Variants in FKBP5 observed in about 807,000 individuals in gnomAD.
FKBP5 encodes FKBP prolyl isomerase 5, also known as peptidyl-prolyl cis-trans isomerase FKBP5.
In FKBP5, 23 loss-of-function variants were observed where a neutral mutation model predicts 50.5. The ratio of observed to expected loss-of-function variants is 0.46; its 90% CI spans 0.33 to 0.65. The LOEUF is 0.65. Among genes scored for constraint, FKBP5 ranks in the 30% least tolerant of loss-of-function variants. FKBP5 has a pLI of 0.02. For synonymous variants in FKBP5, 176 were observed against 190.6 expected (o/e 0.92, Z 0.63); for missense variants, 411 against 553.1 (o/e 0.74, Z 2.58).
chr6:35,580,260 GAGGGGGTACA>G lies in FKBP5; in HGVS notation c.841-49_841-40del, dbSNP rs1357046805. ...GCGTCATTACTTGTACTCAGCTCTT[GAGGGGGTACA>G]AAAGAAAAGCAAATCCTCAAAGTGA... On this transcript the variant is annotated intron_variant, in intron 8 of 10. Coordinates refer to ENST00000357266, the MANE Select transcript of FKBP5 (RefSeq NM_004117.4). 3 of 1,517,114 alleles carry G rather than the reference GAGGGGGTACA, an allele frequency of 2.0e-6. No homozygotes were observed. In the South Asian group the frequency reaches 3.6e-5, roughly 18 times the overall value. 94.0% of individuals were successfully genotyped at this position (1,517,114 alleles called of 1,614,324 possible).
At chr6:35,695,087 G>A (rs765104654) in intron 2 of FKBP5, among the ~76,000 whole-genome samples, 3 of 152,140 alleles carry the variant, frequency 2.0e-5, no homozygotes, top group East Asian at 1.9e-4. Flanking sequence ...CATACTTAAC[G>A]GTGAGAGAAT....
At chr6:35,650,496 CAG>C (rs1232612550) in intron 1 of FKBP5, among the ~76,000 whole-genome samples, 1 of 151,418 alleles carries the variant, frequency 6.6e-6, no homozygotes, top group Non-Finnish European at 1.5e-5. Flanking sequence ...TTTTTTGAGA[CAG>C]ACTCTTGCTC....
At chr6:35,707,215 CTTT>C (rs34841223) in intron 2 of FKBP5, among the ~76,000 whole-genome samples, 2,969 of 116,864 alleles carry the variant, frequency 0.025, 57 homozygotes, top group African/African-American at 0.061. Flanking sequence ...TATGAGAAGA[CTTT>C]TTTTTTTTTT....
chr6:35,693,814 C>G (rs1016626143), upstream of FKBP5, among the ~76,000 whole-genome samples: 7 of 152,108 alleles, frequency 4.6e-5, no homozygotes, highest in Admixed American at 4.6e-4. Flanking sequence ...AGCCACTGTG[C>G]CTGGCCTCTA....
chr6:35,725,998 T>A (rs1766702684), intron 1 of FKBP5, among the ~76,000 whole-genome samples: 1 of 152,180 alleles, frequency 6.6e-6, no homozygotes, highest in Non-Finnish European at 1.5e-5. Flanking sequence ...CCTGTTCCTC[T>A]CAGCAGCTCC....
chr6:35,595,982 G>A (rs1338960026), intron 6 of FKBP5, among the ~76,000 whole-genome samples: 1 of 152,184 alleles, frequency 6.6e-6, no homozygotes, highest in Non-Finnish European at 1.5e-5. Context: ...GGGTGCCTCA[G>A]TGACGGCTAT....
intron 1 of FKBP5, among the ~76,000 whole-genome samples, chr6:35,643,897 T>C (rs893864680): frequency 1.3e-5 from 2 of 152,192 alleles, no homozygotes; most frequent in African/African-American, 2.4e-5. Context: ...TTAGATTCCC[T>C]AGAATGCCTC....
At chr6:35,685,056 G>C (rs1007371520) in intron 1 of FKBP5, among the ~76,000 whole-genome samples, 12 of 147,984 alleles carry the variant, frequency 8.1e-5, no homozygotes, top group African/African-American at 2.8e-4. Context: ...GCAAGACCCC[G>C]ACTCAAAAAA....
intron 5 of FKBP5, among the ~76,000 whole-genome samples, chr6:35,615,154 C>CAACAA (rs1554132893): frequency 1.5e-5 from 1 of 64,754 alleles, no homozygotes; most frequent in African/African-American, 4.9e-5. Flanking sequence ...ACAACAACAA[C>CAACAA]TACACACACA....
intron 10 of FKBP5, among the ~76,000 whole-genome samples, chr6:35,576,414 A>C (rs1166936872): frequency 6.6e-6 from 1 of 152,138 alleles, no homozygotes; most frequent in East Asian, 1.9e-4. Context: ...GCTCATGTCT[A>C]TAATCCCAGC....
intron 5 of FKBP5, among the ~76,000 whole-genome samples, chr6:35,605,282 C>A (rs1763272994): frequency 6.7e-6 from 1 of 149,712 alleles, no homozygotes. Flanking sequence ...CAGCATAAAG[C>A]ATTCAATAAA....
At chr6:35,675,559 C>T (rs1268703181) in intron 1 of FKBP5, among the ~76,000 whole-genome samples, 1 of 152,084 alleles carries the variant, frequency 6.6e-6, no homozygotes, top group African/African-American at 2.4e-5. Context: ...GACAGAGAAA[C>T]ACTCCGTCTC....
chr6:35,661,013 G>A lies in FKBP5; in HGVS notation c.-19-18170C>T, dbSNP rs1379154133. Among the ~76,000 whole-genome samples, 5 of 84,236 alleles carry A rather than the reference G, an allele frequency of 5.9e-5. 2 individuals are homozygous for A. Among genetic ancestry groups the A allele is most frequent in the African/African-American group, 1.8e-4 (5 of 27,242 alleles). The allele number at this position is 84,236 out of a possible 152,430, so 55.3% of individuals were successfully genotyped here. A position where few individuals can be genotyped will look rare whatever the true frequency, so the allele number is the denominator to read the frequency against. On this transcript the variant is annotated intron_variant, in intron 1 of 10. Transcript: ENST00000357266. ...TTGCTTAGGGTTAGGGGAAACAGGA[G>A]GAAATGGGGAGTGGGAGATTTCTTT...
intron 2 of FKBP5, among the ~76,000 whole-genome samples, chr6:35,720,046 CG>C (rs1766583602): frequency 6.7e-6 from 1 of 150,010 alleles, no homozygotes; most frequent in South Asian, 2.2e-4. Flanking sequence ...AGAAGCAGCT[CG>C]GCAGTTGGGG....
At chr6:35,650,499 A>T (rs953022260) in intron 1 of FKBP5, among the ~76,000 whole-genome samples, 3 of 150,818 alleles carry the variant, frequency 2.0e-5, no homozygotes, top group South Asian at 2.1e-4. Flanking sequence ...TTTGAGACAG[A>T]CTCTTGCTCT....
chr6:35,649,467 C>T (rs1476960458), intron 1 of FKBP5, among the ~76,000 whole-genome samples: 1 of 151,208 alleles, frequency 6.6e-6, no homozygotes, highest in Non-Finnish European at 1.5e-5. Flanking sequence ...ATGCCTCGAC[C>T]TTCTGGGAGG....
At chr6:35,716,183 G>A (rs1456586022) in intron 2 of FKBP5, among the ~76,000 whole-genome samples, 5 of 152,060 alleles carry the variant, frequency 3.3e-5, no homozygotes, top group African/African-American at 1.2e-4. Context: ...CCCAGCCTGG[G>A]CACTGTAGGG....
chr6:35,658,335 C>T (rs886348974), intron 1 of FKBP5, among the ~76,000 whole-genome samples: 1 of 151,300 alleles, frequency 6.6e-6, no homozygotes, highest in Non-Finnish European at 1.5e-5. Context: ...GAGTTTGCGC[C>T]ACTGCACTCC....
intron 5 of FKBP5, among the ~76,000 whole-genome samples, chr6:35,611,086 T>C (rs1437417195): frequency 6.6e-6 from 1 of 152,010 alleles, no homozygotes; most frequent in Admixed American, 6.6e-5. Context: ...AGTGTGTACC[T>C]CTGCTTAAGT....
Sources: gnomAD v4.1 joint callset for allele counts (sites outside exome capture counted in the v4.1 genomes callset) on GRCh38, gnomAD v4.1.1 for gene constraint, MANE v1.5 for transcripts, NCBI Gene and HGNC (gene_info 2026-07-23, HGNC 2026-07-21) for gene names.